Variants in GLRA2 observed in about 807,000 individuals in gnomAD.
The protein encoded by GLRA2 is glycine receptor subunit alpha-2.
GLRA2 carries 11 observed loss-of-function variants against 31.6 expected under a neutral mutation model. The ratio of observed to expected loss-of-function variants is 0.35; its 90% CI spans 0.22 to 0.58. GLRA2 has a LOEUF of 0.58. Among genes scored for constraint, GLRA2 ranks in the 20% least tolerant of loss-of-function variants. GLRA2 has a pLI of 0.84. For synonymous variants in GLRA2, 132 were observed against 134.0 expected (o/e 0.99, Z 0.10); for missense variants, 212 against 351.8 (o/e 0.60, Z 3.18).
intron 2 of GLRA2, among the ~76,000 whole-genome samples, chrX:14,537,451 G>A (rs764003421): frequency 1.8e-5 from 2 of 111,458 alleles, no homozygotes; most frequent in Non-Finnish European, 3.8e-5. Flanking sequence ...CCTCTCTTGG[G>A]TAGTATGGTC....
intron 2 of GLRA2, among the ~76,000 whole-genome samples, chrX:14,533,524 A>G (rs906986689): frequency 8.3e-5 from 8 of 96,740 alleles, no homozygotes; most frequent in African/African-American, 2.9e-4. Flanking sequence ...AATTTTTCTG[A>G]AAAAAAAAAA....
rs1026790776 is a variant in GLRA2, at chrX:14,544,992, C to G, written c.202+12620C>G. Among the ~76,000 whole-genome samples the G allele has an allele frequency of 1.5e-4, 17 of 111,180 alleles. 1 individual carries two copies. The highest frequency in any genetic ancestry group is 1.2e-3 in the Admixed American group (13 of 10,418). ...TTAATCAATGGCTCCTGATTCATGT[C>G]ATTTATTTTACACACTAGGTGAAAA... On this transcript the variant is annotated intron_variant, in intron 2 of 8. Transcript: ENST00000218075.
the GLRA2 span, among the ~76,000 whole-genome samples, chrX:14,461,298 TGTG>T: frequency 8.9e-6 from 1 of 111,746 alleles, no homozygotes; most frequent in African/African-American, 3.3e-5. Context: ...ATAAGTGTGA[TGTG>T]GTGCTGAGAA....
chrX:14,545,271 G>A (rs372578483), intron 2 of GLRA2, among the ~76,000 whole-genome samples: 8 of 111,396 alleles, frequency 7.2e-5, no homozygotes, highest in South Asian at 3.8e-4. Flanking sequence ...TGCATCTGGC[G>A]AGGGTCTTCT....
intron 8 of GLRA2, among the ~76,000 whole-genome samples, chrX:14,718,418 G>T (rs916343911): frequency 7.1e-5 from 8 of 111,989 alleles, no homozygotes; most frequent in Non-Finnish European, 1.5e-4. Context: ...TGTAATATTT[G>T]GCACAACGAT....
the GLRA2 span, among the ~76,000 whole-genome samples, chrX:14,494,513 A>T: frequency 2.7e-5 from 3 of 110,942 alleles, no homozygotes; most frequent in Non-Finnish European, 5.7e-5. Context: ...TCTTTTTCTG[A>T]GTTGAAAGAG....
chrX:14,604,545 T>A (rs2090313323), intron 5 of GLRA2, 148 bp downstream of exon 5: 1 of 16,898 alleles, frequency 5.9e-5, no homozygotes, highest in Non-Finnish European at 1.5e-4. Context: ...CAAACCAAAG[T>A]GTGTGTGTGT....
intron 7 of GLRA2, among the ~76,000 whole-genome samples, chrX:14,624,898 A>G (rs1174208699): frequency 3.6e-5 from 4 of 111,146 alleles, no homozygotes; most frequent in African/African-American, 9.8e-5. Flanking sequence ...CAAGTCCTGG[A>G]TATCCTTGTT....
At chrX:14,660,628 C>T (rs890995928) in intron 7 of GLRA2, among the ~76,000 whole-genome samples, 6 of 111,460 alleles carry the variant, frequency 5.4e-5, no homozygotes, top group Admixed American at 2.9e-4. Context: ...GTTATCAAAG[C>T]GAGAGATGGA....
At chrX:14,663,515 T>TTA (rs2091011478) in intron 7 of GLRA2, among the ~76,000 whole-genome samples, 1 of 92,339 alleles carries the variant, frequency 1.1e-5, no homozygotes, top group South Asian at 4.8e-4. Context: ...CTAGAAAAGA[T>TTA]TACACACACA....
intron 7 of GLRA2, among the ~76,000 whole-genome samples, chrX:14,668,504 G>A (rs957903693): frequency 5.4e-5 from 6 of 111,760 alleles, no homozygotes; most frequent in African/African-American, 1.6e-4. Flanking sequence ...GTATTAGTCC[G>A]TTTTCACACT....
At chrX:14,549,651 A>G (rs1174048871) in intron 2 of GLRA2, among the ~76,000 whole-genome samples, 3 of 111,715 alleles carry the variant, frequency 2.7e-5, no homozygotes, top group Non-Finnish European at 5.7e-5. Flanking sequence ...ATTTTGAGCA[A>G]CTGAGCAGAC....
chrX:14,687,176 G>T (rs144487916), intron 7 of GLRA2, among the ~76,000 whole-genome samples: 2,898 of 112,261 alleles, frequency 0.026, 61 homozygotes, highest in African/African-American at 0.075. Context: ...GAGATCTGCT[G>T]TTAGTCTGAT....
chrX:14,615,132 C>T (rs1569510145), intron 7 of GLRA2, among the ~76,000 whole-genome samples: 1 of 111,791 alleles, frequency 8.9e-6, no homozygotes, highest in Non-Finnish European at 1.9e-5. Flanking sequence ...TAATTTTAGA[C>T]TTTTATCCCT....
At chrX:14,541,016 C>T (rs942690608) in intron 2 of GLRA2, among the ~76,000 whole-genome samples, 12 of 110,737 alleles carry the variant, frequency 1.1e-4, no homozygotes, top group African/African-American at 3.9e-4. Context: ...GAGAGATCTT[C>T]CTGTGGAGCT....
intron 4 of GLRA2, among the ~76,000 whole-genome samples, chrX:14,591,950 C>T (rs1483516359): frequency 1.8e-5 from 2 of 111,449 alleles, no homozygotes; most frequent in Non-Finnish European, 3.8e-5. Flanking sequence ...TGGCTCAGGG[C>T]ATTGTGATCT....
At chrX:14,481,959 T>C in the GLRA2 span, among the ~76,000 whole-genome samples, 1 of 111,906 alleles carries the variant, frequency 8.9e-6, no homozygotes, top group Non-Finnish European at 1.9e-5. Context: ...TTCTATTTTA[T>C]AGAATTGAAT....
At chrX:14,555,093 A>T (rs921036665) in intron 2 of GLRA2, among the ~76,000 whole-genome samples, 1 of 112,107 alleles carries the variant, frequency 8.9e-6, no homozygotes, top group African/African-American at 3.2e-5. Context: ...ATACTTTTAA[A>T]ATCCAGCTCA....
the GLRA2 span, among the ~76,000 whole-genome samples, chrX:14,478,821 T>C: frequency 8.9e-6 from 1 of 112,396 alleles, no homozygotes; most frequent in Non-Finnish European, 1.9e-5. Context: ...TCCCTTAAAC[T>C]AGCCTGTGTT....
Sources: gnomAD v4.1 joint callset for allele counts (sites outside exome capture counted in the v4.1 genomes callset) on GRCh38, gnomAD v4.1.1 for gene constraint, MANE v1.5 for transcripts, NCBI Gene and HGNC (gene_info 2026-07-23, HGNC 2026-07-21) for gene names.